Variants in CACNA1B observed in about 807,000 individuals in gnomAD.
The protein encoded by CACNA1B is calcium voltage-gated channel subunit alpha1 B.
A neutral mutation model predicts 247.2 loss-of-function variants in CACNA1B; 70 were observed. That is an observed-to-expected ratio of 0.28 (90% CI 0.23 to 0.35). The LOEUF (loss-of-function observed/expected upper bound fraction) is 0.35. Among genes scored for constraint, CACNA1B ranks in the 10% least tolerant of loss-of-function variants. The pLI is 1.00. For synonymous variants in CACNA1B, 1,231 were observed against 1,294.4 expected (o/e 0.95, Z 1.05); for missense variants, 2,367 against 3,197.4 (o/e 0.74, Z 6.26).
chr9:137,917,219 T>G lies in CACNA1B; in HGVS notation c.776-22T>G. Reference sequence around the variant, plus strand: ...GCTTGGTATTTCTGAGCTCAGGGTCTGCTTCATTCTCCTTCTTGCAGATGC... The same window carrying G: ...GCTTGGTATTTCTGAGCTCAGGGTCGGCTTCATTCTCCTTCTTGCAGATGC... On this transcript the variant is annotated intron_variant, in intron 5 of 46. Transcript: ENST00000371372. This position sits in a 1 kb window ranked among gnomAD's most constrained non-coding sequence, Gnocchi z 5.5. 1 of 1,601,162 alleles carries G rather than the reference T, an allele frequency of 6.2e-7. No individual in the cohort carries two copies.
chr9:138,061,705 A>C (rs1220780043), intron 31 of CACNA1B, among the ~76,000 whole-genome samples: 1 of 152,218 alleles, frequency 6.6e-6, no homozygotes, highest in Non-Finnish European at 1.5e-5. Flanking sequence ...ACGGTACTGC[A>C]CAAGGAAAGG....
intron 18 of CACNA1B, among the ~76,000 whole-genome samples, chr9:138,017,673 G>C (rs1958810325): frequency 6.6e-6 from 1 of 152,180 alleles, no homozygotes; most frequent in Non-Finnish European, 1.5e-5. Context: ...GGAAGTCCTT[G>C]TTCTAGCAAG....
chr9:137,896,081 T>C (rs985209684), intron 3 of CACNA1B, among the ~76,000 whole-genome samples: 4 of 152,056 alleles, frequency 2.6e-5, no homozygotes, highest in Non-Finnish European at 4.4e-5. Flanking sequence ...CTACTAAAAA[T>C]ACAAAAAGTT....
At chr9:138,068,853 T>C (rs1007169491) in intron 31 of CACNA1B, among the ~76,000 whole-genome samples, 2 of 152,168 alleles carry the variant, frequency 1.3e-5, no homozygotes, top group Non-Finnish European at 2.9e-5. Context: ...GAGGCCCTGG[T>C]GTAGGGCAGA....
At chr9:137,991,218 C>T (rs894302535) in intron 15 of CACNA1B, among the ~76,000 whole-genome samples, 4 of 152,172 alleles carry the variant, frequency 2.6e-5, no homozygotes, top group Admixed American at 6.5e-5. Flanking sequence ...GAAAATTCTT[C>T]AGTGAAATCG....
chr9:137,962,568 G>A (rs1958032572), intron 10 of CACNA1B, among the ~76,000 whole-genome samples: 1 of 152,032 alleles, frequency 6.6e-6, no homozygotes, highest in Non-Finnish European at 1.5e-5. Flanking sequence ...GTGTCCCAGA[G>A]ATTCTGGTAT....
At chr9:138,081,796 A>G (rs1398998360) in intron 36 of CACNA1B, among the ~76,000 whole-genome samples, 3 of 151,142 alleles carry the variant, frequency 2.0e-5, no homozygotes, top group Admixed American at 2.0e-4. Context: ...AGAAAGACAC[A>G]AATTATCATA....
intron 20 of CACNA1B, among the ~76,000 whole-genome samples, chr9:138,039,688 A>G (rs1190236745): frequency 6.6e-6 from 1 of 152,160 alleles, no homozygotes; most frequent in Non-Finnish European, 1.5e-5. Context: ...TTAGGAGAAC[A>G]TGATCTGTAT....
chr9:137,892,435 C>A (rs1293898680), intron 3 of CACNA1B: 1 of 441,858 alleles, frequency 2.3e-6, no homozygotes, highest in South Asian at 1.6e-5. Context: ...GTTGCTGGTG[C>A]ATCATTGCAT....
intron 31 of CACNA1B, among the ~76,000 whole-genome samples, chr9:138,060,554 C>T (rs1044909997): frequency 6.6e-6 from 1 of 152,202 alleles, no homozygotes; most frequent in Non-Finnish European, 1.5e-5. Context: ...GGAAAGGGAG[C>T]TGCAACGTGT....
intron 10 of CACNA1B, among the ~76,000 whole-genome samples, chr9:137,965,428 C>T (rs1274851331): frequency 6.6e-6 from 1 of 152,182 alleles, no homozygotes; most frequent in Non-Finnish European, 1.5e-5. Flanking sequence ...TGCCTGTAAT[C>T]CCAGCAGTTT....
chr9:137,986,576 TG>T lies in CACNA1B; in HGVS notation c.1901+37del, dbSNP rs1408210299. The T allele has an allele frequency of 1.2e-6, 2 of 1,612,608 alleles. No homozygotes were observed. Among genetic ancestry groups the T allele is most frequent in the Non-Finnish European group, 1.7e-6 (2 of 1,179,108 alleles). ...GGGCCCGGGAGGGAGAGCTCAAGGC[TG>T]GGGGCTTGCAGGGAAGCAGAGCTCA... On this transcript the variant is annotated intron_variant, in intron 14 of 46. Transcript: ENST00000371372. The surrounding 1 kb of genome is among the most constrained non-coding windows in gnomAD (Gnocchi z 6.0).
rs552151414 is a variant in CACNA1B, at chr9:137,882,022, T to G, written c.391-722T>G. ...CCCAGCTTCAGGCTCAGACTGTGGC[T>G]GGCTGCCTCCAGGGTCCTCACAGAT... On this transcript the variant is annotated intron_variant, in intron 2 of 46. Transcript: ENST00000371372. This position sits in a 1 kb window ranked among gnomAD's most constrained non-coding sequence, Gnocchi z 4.0. Among the ~76,000 whole-genome samples, 135 of 152,352 alleles carry G rather than the reference T, an allele frequency of 8.9e-4. 1 individual carries two copies. The highest frequency in any genetic ancestry group is 3.1e-3 in the African/African-American group (127 of 41,584).
rs1301337339 is a variant in CACNA1B, at chr9:138,059,257, C to T, written c.4584+68C>T. The T allele has an allele frequency of 1.2e-6, 1 of 850,148 alleles. No homozygotes were observed. Among genetic ancestry groups the T allele is most frequent in the African/African-American group, 1.7e-5 (1 of 60,104 alleles). The allele number at this position is 850,148 out of a possible 1,614,324, so 52.7% of individuals were successfully genotyped here. A position where few individuals can be genotyped will look rare whatever the true frequency, so the allele number is the denominator to read the frequency against. ...TCTGGTTCCCCATCTGTAGGGCGACCTTTGGGGGCTCACAATTTGGAGCTG... is the reference window on the plus strand; with the variant it reads ...TCTGGTTCCCCATCTGTAGGGCGACTTTTGGGGGCTCACAATTTGGAGCTG... On this transcript the variant is annotated intron_variant, in intron 30 of 46. Coordinates refer to ENST00000371372, the MANE Select transcript of CACNA1B (RefSeq NM_000718.4). The surrounding 1 kb of genome is among the most constrained non-coding windows in gnomAD (Gnocchi z 4.2).
chr9:137,900,773 G>A (rs1280346822), intron 3 of CACNA1B, among the ~76,000 whole-genome samples: 1 of 143,382 alleles, frequency 7.0e-6, no homozygotes, highest in African/African-American at 2.6e-5. Flanking sequence ...GTGTCTGTGT[G>A]TCCCTGTGTC....
intron 37 of CACNA1B, among the ~76,000 whole-genome samples, chr9:138,097,502 C>T (rs1215556508): frequency 6.6e-6 from 1 of 152,230 alleles, no homozygotes; most frequent in Non-Finnish European, 1.5e-5. Context: ...CTCACTCAAG[C>T]AATGTCTACT....
chr9:137,895,581 AAGTATTTCTTTTATTTTG>A (rs1957163724), intron 3 of CACNA1B, among the ~76,000 whole-genome samples: 1 of 152,164 alleles, frequency 6.6e-6, no homozygotes, highest in African/African-American at 2.4e-5. Context: ...ATTTACATCT[AAGTATTTCTTTTATTTTG>A]TGTGATTATA....
At position 138,057,826 on chromosome 9, in the gene CACNA1B, C is replaced by T; in HGVS notation, c.4063C>T (p.Leu1355=). ...DFHYDNVLWA[L]LTLFTVSTGE... is the part of the protein sequence containing the mutation. ...TCACTACGACAATGTGCTCTGGGCT[C>T]TGCTGACGCTGTTCACAGTGTCCAC... is the stretch of plus-strand genomic sequence containing the variant. The change falls in exon 27 of 47, where the codon CTG becomes TTG. Residue 1355 remains leucine, a synonymous_variant. Transcript: ENST00000371372. The surrounding 1 kb of genome is among the most constrained non-coding windows in gnomAD (Gnocchi z 4.0). 2 of 1,611,514 alleles carry T rather than the reference C, an allele frequency of 1.2e-6. No homozygotes were observed. Among genetic ancestry groups the T allele is most frequent in the African/African-American group, 1.3e-5 (1 of 75,022 alleles).
intron 15 of CACNA1B, among the ~76,000 whole-genome samples, chr9:138,002,649 A>G (rs1958592175): frequency 6.6e-6 from 1 of 151,838 alleles, no homozygotes. Context: ...TGAGGTTATA[A>G]TGAGCTAGGA....
Sources: allele counts gnomAD v4.1 joint callset (sites outside exome capture counted in the v4.1 genomes callset), GRCh38; gene constraint gnomAD v4.1.1; non-coding constraint Gnocchi (gnomAD v3.1); transcripts MANE v1.5; gene names NCBI Gene and HGNC (gene_info 2026-07-23, HGNC 2026-07-21).